N4BP2L2: variants seen among roughly 807,000 people sequenced by gnomAD.
The protein encoded by N4BP2L2 is NEDD4-binding protein 2-like 2.
Under a neutral mutation model 56.2 loss-of-function variants are expected in N4BP2L2, and 50 were observed. That is an observed-to-expected ratio of 0.89 (90% CI 0.71 to 1.13). The LOEUF is 1.13. Ranked by LOEUF, N4BP2L2 falls within the 50% of genes most tolerant of loss-of-function variation. The pLI, the probability that N4BP2L2 is intolerant of heterozygous loss-of-function variation, is 0.00. For missense variants in N4BP2L2, 689 were observed against 693.8 expected (o/e 0.99, Z 0.08); for synonymous variants, 203 against 223.6 (o/e 0.91, Z 0.82).
At chr13:32,531,315 G>A (rs987494852) in intron 2 of N4BP2L2, among the ~76,000 whole-genome samples, 11 of 152,150 alleles carry the variant, frequency 7.2e-5, no homozygotes, top group Admixed American at 4.6e-4. Flanking sequence ...AGTAATCAAT[G>A]TACTCTATAC....
chr13:32,491,401 A>G (rs2087022829), intron 6 of N4BP2L2, among the ~76,000 whole-genome samples: 1 of 151,934 alleles, frequency 6.6e-6, no homozygotes, highest in Admixed American at 6.6e-5. Context: ...GGATGTAGAA[A>G]AATTCTAGTA....
chr13:32,509,704 T>C (rs1364496289), downstream of N4BP2L2, among the ~76,000 whole-genome samples: 1 of 152,196 alleles, frequency 6.6e-6, no homozygotes, highest in African/African-American at 2.4e-5. Flanking sequence ...TGAACTATAT[T>C]CCTATAATCT....
chr13:32,517,188 T>C, exon 6 of N4BP2L2: 2 of 985,154 alleles, frequency 2.0e-6, no homozygotes, highest in Non-Finnish European at 2.4e-6. Flanking sequence ...ATGTATGCAT[T>C]ACAAGATGAA....
At chr13:32,470,005 TGG>T (rs2138901167) in intron 6 of N4BP2L2, among the ~76,000 whole-genome samples, 1 of 152,318 alleles carries the variant, frequency 6.6e-6, no homozygotes, top group South Asian at 2.1e-4. Context: ...TATAAGTTTC[TGG>T]GTGGGGCTGC....
intron 6 of N4BP2L2, among the ~76,000 whole-genome samples, chr13:32,455,498 T>C (rs1289719935): frequency 1.3e-5 from 2 of 152,192 alleles, no homozygotes; most frequent in African/African-American, 4.8e-5. Flanking sequence ...CTACAGGCAG[T>C]AATCCCGCCC....
intron 8 of N4BP2L2, among the ~76,000 whole-genome samples, chr13:32,437,174 C>T (rs868230533): frequency 3.3e-5 from 5 of 152,220 alleles, no homozygotes; most frequent in African/African-American, 4.8e-5. Flanking sequence ...TGAGCCACCA[C>T]GCCTGGCCAC....
chr13:32,441,992 C>CG (rs2076455059), intron 7 of N4BP2L2, among the ~76,000 whole-genome samples: 1 of 152,126 alleles, frequency 6.6e-6, no homozygotes. Context: ...AGGAGAATGG[C>CG]GTGAACCCGG....
At chr13:32,443,468 T>A (rs764571840) in exon 7 of N4BP2L2, 1 of 1,613,594 alleles carries the variant, frequency 6.2e-7, no homozygotes, top group South Asian at 1.1e-5. Flanking sequence ...ATTTTAGTTG[T>A]ATACACTTGT....
chr13:32,455,243 C>A (rs1593507148), intron 6 of N4BP2L2, among the ~76,000 whole-genome samples: 1 of 152,198 alleles, frequency 6.6e-6, no homozygotes, highest in Non-Finnish European at 1.5e-5. Context: ...GAACTCAGCA[C>A]TCTAGCACAT....
chr13:32,537,999 G>C (rs887842177), intron 1 of N4BP2L2, among the ~76,000 whole-genome samples: 16 of 151,378 alleles, frequency 1.1e-4, no homozygotes, highest in Admixed American at 9.8e-4. Flanking sequence ...GAACCCGGGG[G>C]GGGCGGAGGT....
intron 2 of N4BP2L2, among the ~76,000 whole-genome samples, chr13:32,529,148 T>C (rs1380871226): frequency 2.0e-5 from 3 of 152,230 alleles, no homozygotes; most frequent in Middle Eastern, 3.2e-3. Flanking sequence ...CCAAAGTTCG[T>C]TGAATTCACT....
intron 2 of N4BP2L2, among the ~76,000 whole-genome samples, chr13:32,535,265 T>C (rs2056248023): frequency 6.6e-6 from 1 of 152,184 alleles, no homozygotes; most frequent in African/African-American, 2.4e-5. Flanking sequence ...CTTGAAAAAC[T>C]CAAATTTTCT....
At chr13:32,511,621 G>C (rs1235266024) in exon 6 of N4BP2L2, 1 of 152,102 alleles carries the variant, frequency 6.6e-6, no homozygotes, top group Non-Finnish European at 1.5e-5. Flanking sequence ...TGGTGTATAA[G>C]TTTAACTTGA....
Position 32,481,118 on chromosome 13 carries a change from C to CAAAAAAAAAAAAAAAAAAAAAAAA in N4BP2L2, c.365+36715_365+36738dup, listed in dbSNP as rs60854435. ...TCAGCAACAGAGTGAGACTCTGTCTCAAAAAAAAAAAAAAAAAAAAAAAAA... is the reference window on the plus strand; with the variant it reads ...TCAGCAACAGAGTGAGACTCTGTCTCAAAAAAAAAAAAAAAAAAAAAAAAAAAAAAAAAAAAAAAAAAAAAAAAA... On this transcript the variant is annotated intron_variant, in intron 6 of 9. Transcript: ENST00000357505. Among the ~76,000 whole-genome samples the CAAAAAAAAAAAAAAAAAAAAAAAA allele has an allele frequency of 1.9e-4, 4 of 20,714 alleles. 1 individual carries two copies. The highest frequency in any genetic ancestry group is 7.4e-4 in the African/African-American group (4 of 5,406). The allele number at this position is 20,714 out of a possible 152,430, so 13.6% of individuals were successfully genotyped here.
At chr13:32,475,362 A>G (rs750551603) in intron 6 of N4BP2L2, among the ~76,000 whole-genome samples, 1 of 152,218 alleles carries the variant, frequency 6.6e-6, no homozygotes, top group Non-Finnish European at 1.5e-5. Flanking sequence ...GAAGAGAGAG[A>G]GAAAGCTTCC....
chr13:32,483,776 C>T (rs2085261374), intron 6 of N4BP2L2, among the ~76,000 whole-genome samples: 1 of 151,996 alleles, frequency 6.6e-6, no homozygotes, highest in Admixed American at 6.6e-5. Context: ...GGGAATGATA[C>T]TACCAGGCTC....
At chr13:32,469,087 T>A (rs1352328554) in intron 6 of N4BP2L2, among the ~76,000 whole-genome samples, 4 of 152,214 alleles carry the variant, frequency 2.6e-5, no homozygotes, top group Non-Finnish European at 5.9e-5. Flanking sequence ...ACTGCTACGG[T>A]CCCCCGAGTG....
chr13:32,514,631 C>T (rs1373956567), exon 6 of N4BP2L2: 1 of 151,906 alleles, frequency 6.6e-6, no homozygotes, highest in East Asian at 1.9e-4. Context: ...AGAAAGAGAC[C>T]TCATCTCTTA....
intron 6 of N4BP2L2, among the ~76,000 whole-genome samples, chr13:32,486,560 C>A (rs1181334118): frequency 1.3e-5 from 2 of 151,986 alleles, no homozygotes. Flanking sequence ...CCTGTGGTCC[C>A]AGCTGCTCAG....
Sources: allele counts gnomAD v4.1 joint callset (sites outside exome capture counted in the v4.1 genomes callset), GRCh38; gene constraint gnomAD v4.1.1; transcripts MANE v1.5; gene names NCBI Gene and HGNC (gene_info 2026-07-23, HGNC 2026-07-21).